ULK4: variants seen among roughly 807,000 people sequenced by gnomAD.
ULK4 encodes inactive serine/threonine-protein kinase ULK4.
In ULK4, 133 loss-of-function variants were observed where a neutral mutation model predicts 160.6. The observed-to-expected ratio is 0.83, with a 90% confidence interval of 0.72 to 0.96. The LOEUF is 0.96. Ranked by LOEUF, ULK4 falls within the 40% of genes least tolerant of loss-of-function variation. The pLI is 0.00. For missense variants in ULK4, 1,580 were observed against 1,499.5 expected (o/e 1.05, Z -0.89); for synonymous variants, 534 against 539.8 (o/e 0.99, Z 0.15).
intron 2 of ULK4, among the ~76,000 whole-genome samples, chr3:41,941,776 A>AAAAAAAC (rs1699967682): frequency 6.7e-6 from 1 of 149,432 alleles, no homozygotes; most frequent in Non-Finnish European, 1.5e-5. Context: ...AAAAAAAAAA[A>AAAAAAAC]AAAGAGAAAG....
chr3:41,306,573 G>T (rs1327922206), intron 35 of ULK4, among the ~76,000 whole-genome samples: 1 of 150,684 alleles, frequency 6.6e-6, no homozygotes, highest in Non-Finnish European at 1.5e-5. Flanking sequence ...GAGGTGAGGG[G>T]CACCTCTGCC....
intron 17 of ULK4, among the ~76,000 whole-genome samples, chr3:41,850,102 G>A (rs2042173613): frequency 1.3e-5 from 2 of 152,078 alleles, no homozygotes; most frequent in South Asian, 4.1e-4. Context: ...GAGAATGATG[G>A]TTTCCAGCTT....
At chr3:41,531,211 G>A (rs943942397) in intron 32 of ULK4, among the ~76,000 whole-genome samples, 1 of 151,194 alleles carries the variant, frequency 6.6e-6, no homozygotes, top group African/African-American at 2.4e-5. Flanking sequence ...AGGAGGCCGA[G>A]GCAGGCAGAT....
At chr3:41,808,381 G>T (rs979423181) in intron 19 of ULK4, among the ~76,000 whole-genome samples, 1 of 152,162 alleles carries the variant, frequency 6.6e-6, no homozygotes, top group East Asian at 1.9e-4. Flanking sequence ...TTGGAAAGGG[G>T]CCATGTGTCA....
intron 17 of ULK4, among the ~76,000 whole-genome samples, chr3:41,840,953 T>C (rs1386111759): frequency 8.3e-5 from 11 of 132,618 alleles, no homozygotes; most frequent in South Asian, 2.7e-4. Context: ...GGCCACCCCG[T>C]CTGGGAAGTG....
chr3:41,596,493 T>G (rs1414987949), intron 31 of ULK4, among the ~76,000 whole-genome samples: 1 of 151,858 alleles, frequency 6.6e-6, no homozygotes, highest in East Asian at 1.9e-4. Flanking sequence ...GAATCCAAGC[T>G]AAGAAAGGGA....
intron 32 of ULK4, among the ~76,000 whole-genome samples, chr3:41,527,542 T>G (rs1173875500): frequency 6.6e-6 from 1 of 152,212 alleles, no homozygotes; most frequent in African/African-American, 2.4e-5. Context: ...CAGTGGCATA[T>G]GCCAGAGCCA....
rs2078744820 is a variant in ULK4, at chr3:41,251,681, T to TG, written c.3679-2108dup. Among the ~76,000 whole-genome samples the TG allele has an allele frequency of 3.9e-5, 6 of 152,338 alleles. No individual in the cohort carries two copies. The East Asian group carries it at 9.6e-4, about 24-fold the overall frequency. ...CATCCTCTTGTGTCCCAGGCCATTCTGTGATGGCAGCAGTGGTAGTGGGGA... is the reference window on the plus strand; with the variant it reads ...CATCCTCTTGTGTCCCAGGCCATTCTGGTGATGGCAGCAGTGGTAGTGGGGA... On this transcript the variant is annotated intron_variant, in intron 35 of 36. Coordinates refer to ENST00000301831, the MANE Select transcript of ULK4 (RefSeq NM_017886.4).
chr3:41,340,039 A>G (rs1179998178), intron 35 of ULK4, among the ~76,000 whole-genome samples: 1 of 152,234 alleles, frequency 6.6e-6, no homozygotes, highest in Non-Finnish European at 1.5e-5. Flanking sequence ...TAGCTTATCA[A>G]TCTTCATTCT....
chr3:41,816,971 T>C (rs1270633508), intron 19 of ULK4, among the ~76,000 whole-genome samples: 1 of 151,504 alleles, frequency 6.6e-6, no homozygotes, highest in African/African-American at 2.4e-5. Flanking sequence ...CAGAACCAAA[T>C]AGAGCCCAAA....
At chr3:41,720,211 C>G (rs2037402742) in intron 22 of ULK4, among the ~76,000 whole-genome samples, 1 of 152,066 alleles carries the variant, frequency 6.6e-6, no homozygotes, top group Non-Finnish European at 1.5e-5. Flanking sequence ...TTCTTCTCAC[C>G]ACACCCTTCC....
chr3:41,792,017 A>G (rs1575716042), intron 20 of ULK4, among the ~76,000 whole-genome samples: 1 of 152,336 alleles, frequency 6.6e-6, no homozygotes, highest in South Asian at 2.1e-4. Flanking sequence ...GGCATTTTTC[A>G]AATAACTTTT....
chr3:41,391,394 T>A (rs2081954663), intron 35 of ULK4, among the ~76,000 whole-genome samples: 1 of 152,122 alleles, frequency 6.6e-6, no homozygotes, highest in East Asian at 1.9e-4. Flanking sequence ...TGGTTTTACA[T>A]CAATCCCCAT....
At chr3:41,944,198 G>T (rs751299213) in intron 2 of ULK4, among the ~76,000 whole-genome samples, 1 of 152,192 alleles carries the variant, frequency 6.6e-6, no homozygotes, top group Non-Finnish European at 1.5e-5. Context: ...AAATGGCCTT[G>T]CACATAAGCC....
intron 29 of ULK4, among the ~76,000 whole-genome samples, chr3:41,674,713 T>G (rs755965480): frequency 3.9e-5 from 6 of 152,174 alleles, no homozygotes; most frequent in Non-Finnish European, 7.4e-5. Flanking sequence ...CTCAAGCTGG[T>G]GGCAAAATAT....
Position 41,951,318 on chromosome 3 carries a change from T to C in ULK4, c.138+3304A>G, listed in dbSNP as rs114930413. 6.7e-3 allele frequency among the ~76,000 whole-genome samples: 1,022 copies of C among 151,904 alleles called. 10 individuals carry two copies. The highest frequency in any genetic ancestry group is 0.024 in the African/African-American group (982 of 41,444). ...ATTCTTATCAAAATCCCAACAACTA[T>C]TTTTGTGGGACTAGAAAAATCTATC... On this transcript the variant is annotated intron_variant, in intron 2 of 36. Coordinates refer to ENST00000301831, the MANE Select transcript of ULK4 (RefSeq NM_017886.4).
intron 31 of ULK4, among the ~76,000 whole-genome samples, chr3:41,591,841 C>G (rs1351398036): frequency 2.6e-5 from 4 of 152,142 alleles, no homozygotes; most frequent in Admixed American, 2.0e-4. Context: ...AATGGTCATA[C>G]CAGCTGAACT....
chr3:41,945,779 T>G (rs1700093817), intron 2 of ULK4, among the ~76,000 whole-genome samples: 1 of 152,206 alleles, frequency 6.6e-6, no homozygotes, highest in African/African-American at 2.4e-5. Context: ...AAAATTAAAA[T>G]GCCCGAATCC....
At chr3:41,570,614 G>C (rs1314078755) in intron 31 of ULK4, among the ~76,000 whole-genome samples, 1 of 152,094 alleles carries the variant, frequency 6.6e-6, no homozygotes, top group Non-Finnish European at 1.5e-5. Flanking sequence ...TAAATCTATT[G>C]TTTCTTTGAG....
Sources: gnomAD v4.1 joint callset for allele counts (sites outside exome capture counted in the v4.1 genomes callset) on GRCh38, gnomAD v4.1.1 for gene constraint, MANE v1.5 for transcripts, NCBI Gene and HGNC (gene_info 2026-07-23, HGNC 2026-07-21) for gene names.